Variants in GPR20 observed in about 807,000 individuals in gnomAD.
GPR20 encodes CTD-3064M3.3.
For synonymous variants in GPR20, 241 were observed against 241.9 expected (o/e 1.00, Z 0.04); for missense variants, 494 against 527.4 (o/e 0.94, Z 0.62).
rs1425591827 is a variant in GPR20 at position 141,357,245 on chromosome 8, C to A, written c.679G>T (p.Gly227Cys). ...GRIMCALSRPGLLHQGRQRRV... is the reference protein window; with the variant it reads ...GRIMCALSRPCLLHQGRQRRV... ...CGCTGGCGACCCTGGTGGAGCAGAC[C>A]CGGCCGCGACAGTGCACACATGATG... The change falls in exon 2 of 2, where the codon GGT (glycine) becomes TGT (cysteine). Residue 227 changes from glycine to cysteine, a missense_variant. Coordinates refer to ENST00000377741, the MANE Select transcript of GPR20 (RefSeq NM_005293.3). The A allele has an allele frequency of 1.3e-6, 2 of 1,546,140 alleles. No individual in the cohort carries two copies. Among genetic ancestry groups the A allele is most frequent in the Non-Finnish European group, 1.7e-6 (2 of 1,149,596 alleles).
intron 1 of GPR20, among the ~76,000 whole-genome samples, chr8:141,359,384 CAG>C (rs2154616572): frequency 6.6e-6 from 1 of 152,360 alleles, no homozygotes; most frequent in South Asian, 2.1e-4. Flanking sequence ...CCTTCTTCCT[CAG>C]AGTCAGAGAG....
At chr8:141,362,358 A>T (rs1831747133) in intron 1 of GPR20, among the ~76,000 whole-genome samples, 1 of 151,876 alleles carries the variant, frequency 6.6e-6, no homozygotes, top group Non-Finnish European at 1.5e-5. Context: ...TATGTGCTGC[A>T]GGCTTCCCTG....
At position 141,357,336 on chromosome 8, in the gene GPR20, A is replaced by T. The variant is rs1831662241; in HGVS notation, c.588T>A (p.Arg196=). ...LGVTGSRPCC[R]VFALTVLEFL... is the part of the protein sequence containing the mutation. The stretch of plus-strand genomic sequence containing the variant: ...ACTCCAGGACAGTCAGCGCAAAGAC[A>T]CGGCAGCAGGGCCGGCTGCCTGTCA... Residue 196 remains arginine (R), a synonymous_variant, in exon 2 of 2, where the codon CGT becomes CGA. Coordinates refer to ENST00000377741, the MANE Select transcript of GPR20 (RefSeq NM_005293.3). 4 of 1,547,578 alleles carry T rather than the reference A, an allele frequency of 2.6e-6. No homozygotes were observed. The highest frequency in any genetic ancestry group is 3.5e-6 in the Non-Finnish European group (4 of 1,151,152).
chr8:141,365,206 CTA>C (rs1290788716), intron 1 of GPR20, among the ~76,000 whole-genome samples: 8 of 152,226 alleles, frequency 5.3e-5, no homozygotes, highest in Admixed American at 6.5e-5. Context: ...AGGGGGAGAG[CTA>C]TGATCCCACA....
rs569928222 is a variant in GPR20, at chr8:141,360,224, C to T, written c.-24-2277G>A. 5.3e-5 allele frequency among the ~76,000 whole-genome samples: 8 copies of T among 152,318 alleles called. No homozygotes were observed. The South Asian group carries it at 6.2e-4, about 12-fold the overall frequency. ...GCTAGCAAAGCATGCTCTGATTCCC[C>T]GCACTAAGGGTCTGACCCTGATCTC... On this transcript the variant is annotated intron_variant, in intron 1 of 1. Transcript: ENST00000377741.
intron 1 of GPR20, among the ~76,000 whole-genome samples, chr8:141,363,980 C>A (rs1831777944): frequency 6.6e-6 from 1 of 152,242 alleles, no homozygotes; most frequent in Non-Finnish European, 1.5e-5. Context: ...GGGCGCTTTG[C>A]ATCCACACAG....
intron 1 of GPR20, among the ~76,000 whole-genome samples, chr8:141,364,870 T>A (rs1831791786): frequency 6.6e-6 from 1 of 152,144 alleles, no homozygotes; most frequent in Non-Finnish European, 1.5e-5. Context: ...TTCCTCCCCA[T>A]CACCGAGTTC....
At chr8:141,358,266 G>A (rs766239049) in intron 1 of GPR20, among the ~76,000 whole-genome samples, 22 of 152,344 alleles carry the variant, frequency 1.4e-4, no homozygotes, top group South Asian at 6.2e-4. Context: ...AAACACGTGC[G>A]GTGCAGGGCT....
chr8:141,365,415 C>T lies in GPR20; in HGVS notation c.-25+1786G>A, dbSNP rs75101059. ...CTCAATCTGCCTGCTGGCACTTTGTCCCAGTGCCTGGGATCAGCCTTCTGC... is the reference window on the plus strand; with the variant it reads ...CTCAATCTGCCTGCTGGCACTTTGTTCCAGTGCCTGGGATCAGCCTTCTGC... On this transcript the variant is annotated intron_variant, in intron 1 of 1. Coordinates refer to ENST00000377741, the MANE Select transcript of GPR20 (RefSeq NM_005293.3). Among the ~76,000 whole-genome samples the T allele has an allele frequency of 5.3e-3, 800 of 152,338 alleles. 6 individuals are homozygous for T. The highest frequency in any genetic ancestry group is 0.018 in the African/African-American group (765 of 41,572).
chr8:141,360,972 G>C (rs1831726565), intron 1 of GPR20, among the ~76,000 whole-genome samples: 1 of 152,218 alleles, frequency 6.6e-6, no homozygotes, highest in South Asian at 2.1e-4. Flanking sequence ...GCAGGGCCCT[G>C]TCCCCAAGCC....
intron 1 of GPR20, among the ~76,000 whole-genome samples, chr8:141,361,902 C>T (rs1003093214): frequency 3.3e-5 from 5 of 152,216 alleles, no homozygotes; most frequent in Admixed American, 6.5e-5. Flanking sequence ...CCCAGAGCCC[C>T]GGCCTTTCAA....
chr8:141,357,412 C>G lies in GPR20; in HGVS notation c.512G>C (p.Cys171Ser), dbSNP rs766555723. ...CRQPACARAV[C>S]AFVWLAAGAV... ...ACCGGCGGCCAGCCACACGAAGGCGCACACGGCCCTGGCACAGGCAGGCTG... is the reference window on the plus strand; with the variant it reads ...ACCGGCGGCCAGCCACACGAAGGCGGACACGGCCCTGGCACAGGCAGGCTG... Residue 171 changes from cysteine to serine, a missense_variant, in exon 2 of 2, where the codon TGC becomes TCC. Physicochemically the swap from Cys to Ser is moderately radical, Grantham distance 112. Transcript: ENST00000377741. The G allele has an allele frequency of 6.2e-7, 1 of 1,602,758 alleles. No homozygotes were observed. Among genetic ancestry groups the G allele is most frequent in the South Asian group, 1.1e-5 (1 of 90,282 alleles).
At chr8:141,359,744 T>A (rs780660606) in intron 1 of GPR20, among the ~76,000 whole-genome samples, 9 of 152,138 alleles carry the variant, frequency 5.9e-5, no homozygotes, top group Non-Finnish European at 1.2e-4. Flanking sequence ...GCTGGGAACC[T>A]GGCGTCTCAG....
At chr8:141,364,695 C>T (rs1420136139) in intron 1 of GPR20, among the ~76,000 whole-genome samples, 1 of 152,212 alleles carries the variant, frequency 6.6e-6, no homozygotes, top group Non-Finnish European at 1.5e-5. Flanking sequence ...CTAACGGAAA[C>T]ACCAGTGTCT....
At chr8:141,358,633 G>T (rs1279782601) in intron 1 of GPR20, among the ~76,000 whole-genome samples, 1 of 152,146 alleles carries the variant, frequency 6.6e-6, no homozygotes, top group African/African-American at 2.4e-5. Flanking sequence ...CTCCTCCTAG[G>T]CCAGCATCAG....
In GPR20 at chr8:141,357,703, GCCAGCCCGTTGAGCA is replaced by G; in HGVS notation, c.206_220del (p.Val69_Leu73del). 1 of 1,613,492 alleles carries G rather than the reference GCCAGCCCGTTGAGCA, an allele frequency of 6.2e-7. No homozygotes were observed. Among genetic ancestry groups the G allele is most frequent in the South Asian group, 1.1e-5 (1 of 91,086 alleles). ...GGTGCGGCAGCAGAAGACGTACAGCGCCAGCCCGTTGAGCACCAGCCCTGCCAGGAAGATGGCTCC... is the reference window on the plus strand; with the variant it reads ...GGTGCGGCAGCAGAAGACGTACAGCGCCAGCCCTGCCAGGAAGATGGCTCC... On this transcript the variant is annotated inframe_deletion, in exon 2 of 2. Transcript: ENST00000377741.
At chr8:141,364,232 G>A (rs1212945814) in intron 1 of GPR20, among the ~76,000 whole-genome samples, 3 of 152,220 alleles carry the variant, frequency 2.0e-5, no homozygotes, top group South Asian at 2.1e-4. Flanking sequence ...GTGTGACCAC[G>A]GGTCTGTGTG....
chr8:141,358,165 G>A (rs1025982994), intron 1 of GPR20, among the ~76,000 whole-genome samples: 14 of 152,384 alleles, frequency 9.2e-5, no homozygotes, highest in African/African-American at 7.2e-5. Flanking sequence ...AGTCAGACGC[G>A]TGTTCAAATT....
At position 141,357,119 on chromosome 8, in the gene GPR20, C is replaced by A. The variant is rs779292977; in HGVS notation, c.805G>T (p.Asp269Tyr). The A allele has an allele frequency of 6.2e-7, 1 of 1,611,532 alleles. No individual in the cohort carries two copies. Among genetic ancestry groups the A allele is most frequent in the Non-Finnish European group, 8.5e-7 (1 of 1,179,928 alleles). ...ARQVAVALWP[D>Y]MPHHTSLVVY... ...ACGAGGCTCGTGTGGTGTGGCATGTCGGGCCACAGCGCCACGGCCACTTGG... is the reference window on the plus strand; with the variant it reads ...ACGAGGCTCGTGTGGTGTGGCATGTAGGGCCACAGCGCCACGGCCACTTGG... Residue 269 changes from aspartate (D) to tyrosine (Y), a missense_variant, in exon 2 of 2, where the codon GAC (aspartate) becomes TAC (tyrosine). Transcript: ENST00000377741.
Sources: gnomAD v4.1 joint callset for allele counts (sites outside exome capture counted in the v4.1 genomes callset) on GRCh38, gnomAD v4.1.1 for gene constraint, MANE v1.5 for transcripts, NCBI Gene and HGNC (gene_info 2026-07-23, HGNC 2026-07-21) for gene names.